The following TAFA2 variants were observed in gnomAD, a reference collection of about 807,000 sequenced individuals.
TAFA2 encodes the protein TAFA chemokine like family member 2, also known as chemokine-like protein TAFA-2.
Under a neutral mutation model 18.8 loss-of-function variants are expected in TAFA2, and 7 were observed. The ratio of observed to expected loss-of-function variants is 0.37; its 90% CI spans 0.21 to 0.70. TAFA2 has a LOEUF of 0.70. TAFA2 is among the 30% of genes least tolerant of loss of function. The probability of loss-of-function intolerance (pLI) is 0.53; values close to 1 mark genes in which losing one functional copy is unlikely to be tolerated. For missense variants in TAFA2, 122 were observed against 158.1 expected, an observed-to-expected ratio of 0.77 and a Z score of 1.23; for synonymous variants, 60 against 54.2, an observed-to-expected ratio of 1.11 and a Z score of -0.47.
chr12:62,112,996 C>T (rs1479204698), intron 1 of TAFA2, among the ~76,000 whole-genome samples: 2 of 152,116 alleles, frequency 1.3e-5, no homozygotes, highest in East Asian at 1.9e-4. Context: ...ATTTGTCAAA[C>T]TCATTCTCCA....
At chr12:62,187,514 C>T (rs2062594587) in intron 1 of TAFA2, among the ~76,000 whole-genome samples, 1 of 151,986 alleles carries the variant, frequency 6.6e-6, no homozygotes, top group African/African-American at 2.4e-5. Flanking sequence ...TGTATGTATG[C>T]ATGTGCATAT....
intron 1 of TAFA2, among the ~76,000 whole-genome samples, chr12:62,054,459 C>A (rs1371783472): frequency 6.6e-6 from 1 of 152,228 alleles, no homozygotes; most frequent in Non-Finnish European, 1.5e-5. Context: ...TCAATATCTT[C>A]GGCCTGAAGA....
chr12:62,258,798 G>A, exon 1 of TAFA2: 1 of 343,764 alleles, frequency 2.9e-6, no homozygotes, highest in Non-Finnish European at 5.9e-6. Flanking sequence ...TCCATATTCT[G>A]CAGCTTCCCT....
intron 4 of TAFA2, among the ~76,000 whole-genome samples, chr12:61,746,750 T>C (rs1474690638): frequency 6.6e-6 from 1 of 152,140 alleles, no homozygotes; most frequent in African/African-American, 2.4e-5. Context: ...TCATCCAGTT[T>C]GTTTTGTTTT....
chr12:62,215,453 G>C (rs1290874898), intron 1 of TAFA2, among the ~76,000 whole-genome samples: 1 of 151,108 alleles, frequency 6.6e-6, no homozygotes, highest in Admixed American at 6.6e-5. Flanking sequence ...CCAAGCTCTT[G>C]CTATTCAACT....
intron 1 of TAFA2, among the ~76,000 whole-genome samples, chr12:62,230,770 A>G (rs923721026): frequency 1.3e-4 from 20 of 152,134 alleles, no homozygotes; most frequent in African/African-American, 4.8e-4. Flanking sequence ...TTCAACCTCT[A>G]GGGCTCACAT....
Position 62,257,400 on chromosome 12 carries a change from A to T in TAFA2, c.-130+1363T>A, listed in dbSNP as rs1027527234. Among the ~76,000 whole-genome samples the T allele has an allele frequency of 9.1e-4, 138 of 152,176 alleles. 1 individual carries two copies. The highest frequency in any genetic ancestry group is 8.1e-3 in the Admixed American group (124 of 15,290). On this transcript the variant is annotated intron_variant, in intron 1 of 5. Transcript: ENST00000551619. ...GAAAACTGGCTCTCTTTGACACTTT[A>T]GTTTTAAACCTAACTCTCTCCTGGA...
chr12:61,876,990 AC>A (rs1874877084), intron 1 of TAFA2, among the ~76,000 whole-genome samples: 2 of 152,218 alleles, frequency 1.3e-5, no homozygotes, highest in African/African-American at 4.8e-5. Context: ...TGATAGTTGT[AC>A]ATTACTTCAT....
chr12:61,813,465 C>A (rs1458738214), intron 2 of TAFA2, among the ~76,000 whole-genome samples: 1 of 151,328 alleles, frequency 6.6e-6, no homozygotes, highest in African/African-American at 2.5e-5. Flanking sequence ...TTCTGTCATA[C>A]AAGATCTCTC....
At chr12:62,068,487 G>T (rs1882548351) in intron 1 of TAFA2, among the ~76,000 whole-genome samples, 1 of 152,144 alleles carries the variant, frequency 6.6e-6, no homozygotes, top group East Asian at 1.9e-4. Flanking sequence ...GAAAACTTAA[G>T]CTATTTTTTC....
At chr12:62,194,041 G>A (rs926341326), upstream of TAFA2, among the ~76,000 whole-genome samples, 1 of 152,070 alleles carries the variant, frequency 6.6e-6, no homozygotes, top group Admixed American at 6.5e-5. Flanking sequence ...TGTTTCCAAG[G>A]ATCTCTCAGA....
At chr12:61,865,508 G>A (rs779267304) in intron 2 of TAFA2, among the ~76,000 whole-genome samples, 1 of 152,072 alleles carries the variant, frequency 6.6e-6, no homozygotes, top group Admixed American at 6.5e-5. Flanking sequence ...AAAGGGAAAA[G>A]CAAAACCACA....
intron 1 of TAFA2, among the ~76,000 whole-genome samples, chr12:62,211,355 G>T (rs574686442): frequency 3.9e-4 from 59 of 152,250 alleles, no homozygotes; most frequent in African/African-American, 1.4e-3. Context: ...CAAGGCAGGT[G>T]GATCAAGGAG....
chr12:62,184,659 C>G (rs2062574078), intron 1 of TAFA2, among the ~76,000 whole-genome samples: 1 of 151,046 alleles, frequency 6.6e-6, no homozygotes, highest in Non-Finnish European at 1.5e-5. Context: ...CCATGCCTGG[C>G]TAATTTTTTT....
chr12:62,190,157 A>G (rs1423060777), intron 1 of TAFA2, among the ~76,000 whole-genome samples: 1 of 152,104 alleles, frequency 6.6e-6, no homozygotes, highest in African/African-American at 2.4e-5. Flanking sequence ...ATTTGATTCC[A>G]AACGCTTCAG....
intron 1 of TAFA2, among the ~76,000 whole-genome samples, chr12:61,936,465 G>A (rs1209299975): frequency 6.6e-6 from 1 of 152,142 alleles, no homozygotes; most frequent in East Asian, 1.9e-4. Context: ...CTACACAGGA[G>A]GCTGAGGCAG....
At position 62,226,295 on chromosome 12, in the gene TAFA2, G is replaced by A. The variant is rs563805957; in HGVS notation, c.-130+32468C>T. Among the ~76,000 whole-genome samples, 27 of 151,358 alleles carry A rather than the reference G, an allele frequency of 1.8e-4. No homozygotes were observed. In the East Asian group the frequency reaches 4.3e-3, roughly 24 times the overall value. On this transcript the variant is annotated intron_variant, in intron 1 of 5. Transcript: ENST00000551619. ...TGCAAGCTCCACCTCCTGGGTTCAC[G>A]CCATTCTCCCGCCTCTGCCTCCCCA...
At chr12:61,772,607 A>G (rs1870082854) in intron 2 of TAFA2, among the ~76,000 whole-genome samples, 1 of 152,044 alleles carries the variant, frequency 6.6e-6, no homozygotes, top group Admixed American at 6.6e-5. Flanking sequence ...TAAAAACAAA[A>G]ATAACATAAT....
chr12:62,050,901 C>T (rs551702022), intron 1 of TAFA2, among the ~76,000 whole-genome samples: 2 of 152,076 alleles, frequency 1.3e-5, no homozygotes, highest in African/African-American at 2.4e-5. Flanking sequence ...GGTTATCAAA[C>T]CTTTTACCAT....
Sources: gnomAD v4.1 joint callset for allele counts (sites outside exome capture counted in the v4.1 genomes callset) on GRCh38, gnomAD v4.1.1 for gene constraint, MANE v1.5 for transcripts, NCBI Gene and HGNC (gene_info 2026-07-23, HGNC 2026-07-21) for gene names.